TMEM71: variants seen among roughly 807,000 people sequenced by gnomAD.
The protein encoded by TMEM71 is transmembrane protein 71.
TMEM71 carries 44 observed loss-of-function variants against 38.0 expected under a neutral mutation model. The ratio of observed to expected loss-of-function variants is 1.16; its 90% CI spans 0.91 to 1.49. TMEM71 has a LOEUF of 1.49. Among genes scored for constraint, TMEM71 ranks in the 40% most tolerant of loss-of-function variants. TMEM71 has a pLI of 0.00. For missense variants in TMEM71, 367 were observed against 348.6 expected, an observed-to-expected ratio of 1.05 and a Z score of -0.42; for synonymous variants, 133 against 122.5, an observed-to-expected ratio of 1.09 and a Z score of -0.56.
At chr8:132,775,895 C>T in the TMEM71 span, among the ~76,000 whole-genome samples, 3 of 152,312 alleles carry the variant, frequency 2.0e-5, no homozygotes, top group South Asian at 2.1e-4. Flanking sequence ...GCCTTTCCTG[C>T]CTGTCTCGTG....
At chr8:132,753,069 T>C (rs1181624835) in intron 3 of TMEM71, among the ~76,000 whole-genome samples, 1 of 152,002 alleles carries the variant, frequency 6.6e-6, no homozygotes, top group African/African-American at 2.4e-5. Flanking sequence ...CCCTCTTTTC[T>C]CCCTTAAAAA....
Position 132,722,038 on chromosome 8 carries a change from A to G in TMEM71, c.752+2T>C. On this transcript the variant is annotated splice_donor_variant, in intron 7 of 9. Coordinates refer to ENST00000677595, the MANE Select transcript of TMEM71 (RefSeq NM_001382403.1). LOFTEE classifies it high-confidence loss of function. ...GCTGCATGAAAATAAAACGTGAATT[A>G]CCTTGCACATGCAGAAATGATTAAG... 2 of 1,612,664 alleles carry G rather than the reference A, an allele frequency of 1.2e-6. No homozygotes were observed. The highest frequency in any genetic ancestry group is 2.2e-5 in the East Asian group (1 of 44,866).
At chr8:132,721,233 A>T (rs1201239261) in intron 7 of TMEM71, among the ~76,000 whole-genome samples, 1 of 152,228 alleles carries the variant, frequency 6.6e-6, no homozygotes, top group African/African-American at 2.4e-5. Context: ...GGAGACTTGA[A>T]TAGGGAAAGG....
chr8:132,741,610 C>G (rs2911949), intron 5 of TMEM71, among the ~76,000 whole-genome samples: 97,568 of 148,898 alleles, frequency 0.66, 33,636 homozygotes, highest in South Asian at 0.78. Flanking sequence ...GGCAGAGAGA[C>G]AGAGGTGACA....
chr8:132,775,552 GGAGGCA>G, the TMEM71 span: 7 of 365,876 alleles, frequency 1.9e-5, no homozygotes, highest in Admixed American at 4.6e-5. Context: ...CTGCCTGGGC[GGAGGCA>G]GAGGCAGAGG....
chr8:132,721,940 C>T, intron 7 of TMEM71, 100 bp downstream of exon 7: 1 of 1,009,510 alleles, frequency 9.9e-7, no homozygotes, highest in Non-Finnish European at 1.6e-6. Flanking sequence ...AACCACAGAG[C>T]TACCTAAAAT....
chr8:132,732,471 G>T (rs539617903), intron 5 of TMEM71, among the ~76,000 whole-genome samples: 2 of 152,258 alleles, frequency 1.3e-5, no homozygotes, highest in African/African-American at 2.4e-5. Flanking sequence ...TCAGTCCCAG[G>T]AGATGATTCT....
At position 132,759,025 on chromosome 8, in the gene TMEM71, TAC is replaced by T. The variant is rs1410722320; in HGVS notation, c.-36-112_-36-111del. On this transcript the variant is annotated intron_variant, in intron 1 of 9. Coordinates refer to ENST00000677595, the MANE Select transcript of TMEM71 (RefSeq NM_001382403.1). ...TAGTCAGATTTGTTTACTGAAATAA[TAC>T]AGAGATACAGAATTGAAGGTAGGAG... 1.4e-5 allele frequency: 9 copies of T among 660,060 alleles called. No individual in the cohort carries two copies. The Admixed American group carries it at 2.1e-4, about 15-fold the overall frequency. The allele number at this position is 660,060 out of a possible 1,614,324, so 40.9% of individuals were successfully genotyped here.
chr8:132,755,351 T>C (rs1257953931), intron 3 of TMEM71, among the ~76,000 whole-genome samples: 2 of 152,182 alleles, frequency 1.3e-5, no homozygotes, highest in Non-Finnish European at 2.9e-5. Flanking sequence ...GATAACAAAA[T>C]TTTCTCTAGA....
At chr8:132,766,586 G>A in the TMEM71 span, among the ~76,000 whole-genome samples, 1 of 152,058 alleles carries the variant, frequency 6.6e-6, no homozygotes, top group Non-Finnish European at 1.5e-5. Flanking sequence ...GATCACTTAA[G>A]CTCAGGAGTT....
At chr8:132,746,458 T>TATATACATATACATATACATATAC (rs1563753803) in intron 5 of TMEM71, among the ~76,000 whole-genome samples, 1 of 11,394 alleles carries the variant, frequency 8.8e-5, no homozygotes, top group Non-Finnish European at 2.1e-4. Flanking sequence ...TATACATATA[T>TATATACATATACATATACATATAC]ATATACATAT....
At chr8:132,753,562 C>T (rs1828846533) in intron 3 of TMEM71, among the ~76,000 whole-genome samples, 1 of 152,104 alleles carries the variant, frequency 6.6e-6, no homozygotes. Flanking sequence ...TGCATGCACA[C>T]CTTCAGTAAG....
chr8:132,716,645 G>A (rs1252440979), intron 7 of TMEM71, among the ~76,000 whole-genome samples: 1 of 152,186 alleles, frequency 6.6e-6, no homozygotes, highest in East Asian at 1.9e-4. Flanking sequence ...AGGGGCTTTA[G>A]TATTCAAGGA....
intron 3 of TMEM71, among the ~76,000 whole-genome samples, chr8:132,753,741 A>G (rs2131190004): frequency 6.6e-6 from 1 of 152,290 alleles, no homozygotes; most frequent in East Asian, 1.9e-4. Flanking sequence ...AGCCTCTCAG[A>G]CTGTTTCCTT....
intron 2 of TMEM71, 48 bp downstream of exon 2, chr8:132,758,792 T>A: frequency 2.6e-6 from 4 of 1,545,226 alleles, no homozygotes; most frequent in Non-Finnish European, 3.6e-6. Flanking sequence ...CTAAAAGGAG[T>A]CTAATCGTTC....
chr8:132,750,808 T>C (rs1432131701), intron 4 of TMEM71, among the ~76,000 whole-genome samples: 1 of 152,224 alleles, frequency 6.6e-6, no homozygotes, highest in Non-Finnish European at 1.5e-5. Context: ...TAAATTGTCC[T>C]ACCATACATC....
the TMEM71 span, among the ~76,000 whole-genome samples, chr8:132,769,756 T>C: frequency 6.6e-6 from 1 of 152,212 alleles, no homozygotes; most frequent in African/African-American, 2.4e-5. Context: ...CTTCCCAGCC[T>C]CTAGAACTGT....
chr8:132,755,095 G>A (rs1302678177), intron 3 of TMEM71, among the ~76,000 whole-genome samples: 4 of 152,098 alleles, frequency 2.6e-5, no homozygotes, highest in Non-Finnish European at 4.4e-5. Flanking sequence ...GCAACTATAT[G>A]GTGCTGGACG....
chr8:132,732,824 A>G (rs1827533359), intron 5 of TMEM71, among the ~76,000 whole-genome samples: 1 of 152,148 alleles, frequency 6.6e-6, no homozygotes, highest in Non-Finnish European at 1.5e-5. Flanking sequence ...TGTTACGGGC[A>G]TCTACTGAAC....
Sources: gnomAD v4.1 joint callset for allele counts (sites outside exome capture counted in the v4.1 genomes callset) on GRCh38, gnomAD v4.1.1 for gene constraint, MANE v1.5 for transcripts, NCBI Gene and HGNC (gene_info 2026-07-23, HGNC 2026-07-21) for gene names.